The following SLC25A25 variants were observed in gnomAD, a reference collection of about 807,000 sequenced individuals.
SLC25A25 encodes mitochondrial adenyl nucleotide antiporter SLC25A25.
Under a neutral mutation model 57.7 loss-of-function variants are expected in SLC25A25, and 32 were observed. The observed-to-expected ratio is 0.55, with a 90% CI of 0.42 to 0.74. The LOEUF is 0.74. Among genes scored for constraint, SLC25A25 ranks in the 30% least tolerant of loss-of-function variants. SLC25A25 has a pLI of 0.00. For synonymous variants in SLC25A25, 306 were observed against 291.2 expected, an observed-to-expected ratio of 1.05 and a Z score of -0.52; for missense variants, 556 against 701.3, an observed-to-expected ratio of 0.79 and a Z score of 2.34.
intron 1 of SLC25A25, chr9:128,098,933 C>T (rs1192145847): frequency 1.3e-5 from 13 of 985,282 alleles, no homozygotes; most frequent in Non-Finnish European, 1.6e-5. Flanking sequence ...GGCTGGAATT[C>T]CAGCGAAGGC....
intron 1 of SLC25A25, among the ~76,000 whole-genome samples, chr9:128,079,729 A>G (rs2130789515): frequency 6.6e-6 from 1 of 151,160 alleles, no homozygotes; most frequent in South Asian, 2.1e-4. Flanking sequence ...GCGGTGGCTC[A>G]CGCCTGTAAT....
intron 1 of SLC25A25, among the ~76,000 whole-genome samples, chr9:128,085,494 A>G (rs1464966526): frequency 6.6e-6 from 1 of 152,186 alleles, no homozygotes; most frequent in Non-Finnish European, 1.5e-5. Context: ...ATTTAAACAC[A>G]TATAGGCAAG....
rs528163027 is a variant in SLC25A25 at position 128,080,574 on chromosome 9, C to T, written c.261+11994C>T. ...AGCTGGGATTACAGGCATGCGCCAC[C>T]GTGCCCGGCTAATTTTTTTTTTGTA... On this transcript the variant is annotated intron_variant, in intron 1 of 10. Coordinates refer to ENST00000373069, the MANE Select transcript of SLC25A25 (RefSeq NM_001330988.2). 1.9e-4 allele frequency among the ~76,000 whole-genome samples: 29 copies of T among 151,614 alleles called. No individual in the cohort carries two copies. The East Asian group carries it at 2.1e-3, about 11-fold the overall frequency.
chr9:128,092,301 T>A (rs192262052), intron 1 of SLC25A25, among the ~76,000 whole-genome samples: 4 of 152,210 alleles, frequency 2.6e-5, no homozygotes. Context: ...AGCACCCCAG[T>A]GTGGCTGTTG....
Position 128,102,126 on chromosome 9 carries a change from A to G in SLC25A25, c.512+11A>G, listed in dbSNP as rs1444558146. 2.6e-6 allele frequency: 4 copies of G among 1,550,414 alleles called. No homozygotes were observed. Among genetic ancestry groups the G allele is most frequent in the Middle Eastern group, 1.7e-4 (1 of 6,014 alleles). ...GGGCCCTGTCACCTAGTAAGTATCCATGTCGCTCATGACTGCCTCCCTTGA... is the reference window on the plus strand; with the variant it reads ...GGGCCCTGTCACCTAGTAAGTATCCGTGTCGCTCATGACTGCCTCCCTTGA... On this transcript the variant is annotated intron_variant, in intron 4 of 10. Coordinates refer to ENST00000373069, the MANE Select transcript of SLC25A25 (RefSeq NM_001330988.2). The surrounding 1 kb of genome is among the most constrained non-coding windows in gnomAD (Gnocchi z 4.1).
At position 128,102,529 on chromosome 9, in the gene SLC25A25, G is replaced by T; in HGVS notation, c.624+48G>T. 6.7e-7 allele frequency: 1 copy of T among 1,500,408 alleles called. No homozygotes were observed. 92.9% of individuals were successfully genotyped at this position (1,500,408 alleles called of 1,614,324 possible). On this transcript the variant is annotated intron_variant, in intron 5 of 10. Transcript: ENST00000373069. The surrounding 1 kb of genome is among the most constrained non-coding windows in gnomAD (Gnocchi z 4.1). ...CCTCATCTGCTCCCAGGGACCCTTA[G>T]CCCAGAGTCACCCAGTCGTCCCCAT... is the stretch of plus-strand genomic sequence containing the variant.
chr9:128,079,768 G>A (rs555745747), intron 1 of SLC25A25, among the ~76,000 whole-genome samples: 13 of 151,762 alleles, frequency 8.6e-5, no homozygotes, highest in East Asian at 3.9e-4. Flanking sequence ...CGAGGCGGGC[G>A]GATCACGAGG....
In SLC25A25 at chr9:128,095,685, C is replaced by T. The variant is rs1420695148; in HGVS notation, c.262-5411C>T. 2.0e-5 allele frequency among the ~76,000 whole-genome samples: 3 copies of T among 152,176 alleles called. No homozygotes were observed. Among genetic ancestry groups the T allele is most frequent in the Non-Finnish European group, 4.4e-5 (3 of 68,024 alleles). On this transcript the variant is annotated intron_variant, in intron 1 of 10. Coordinates refer to ENST00000373069, the MANE Select transcript of SLC25A25 (RefSeq NM_001330988.2). The surrounding 1 kb of genome is among the most constrained non-coding windows in gnomAD (Gnocchi z 4.4). Reference sequence around the variant, plus strand: ...ATTAGCTGGGTGTGCTCGTGGGCACCTGTAGTCCCAGCTACTCGGGAGGCT... The same window carrying T: ...ATTAGCTGGGTGTGCTCGTGGGCACTTGTAGTCCCAGCTACTCGGGAGGCT...
chr9:128,076,678 C>G (rs1195628036), intron 1 of SLC25A25, among the ~76,000 whole-genome samples: 1 of 151,800 alleles, frequency 6.6e-6, no homozygotes, highest in Non-Finnish European at 1.5e-5. Context: ...CCATGTTAGC[C>G]AGGATGGTCT....
At chr9:128,106,294 C>T (rs1319072527) in intron 8 of SLC25A25, 37 bp downstream of exon 8, 3 of 1,614,082 alleles carry the variant, frequency 1.9e-6, no homozygotes, top group South Asian at 2.2e-5. Flanking sequence ...GGGCAGTGGG[C>T]ACAGGACTGG....
intron 1 of SLC25A25, among the ~76,000 whole-genome samples, chr9:128,075,403 C>G (rs889968444): frequency 6.6e-6 from 1 of 152,030 alleles, no homozygotes; most frequent in African/African-American, 2.4e-5. Context: ...TTATTACTGG[C>G]CAGATGCAGT....
chr9:128,070,950 C>CAAA (rs531221205), intron 1 of SLC25A25, among the ~76,000 whole-genome samples: 4 of 57,414 alleles, frequency 7.0e-5, no homozygotes, highest in African/African-American at 1.2e-4. Context: ...AACTCCATCT[C>CAAA]AAAAAAAAAA....
In SLC25A25 at chr9:128,107,332, T is replaced by G. The variant is rs1834091823; in HGVS notation, c.1436T>G (p.Phe479Cys). The change falls in exon 11 of 11, where the codon TTC becomes TGC. Residue 479 changes from phenylalanine (F) to cysteine (C), a missense_variant. Transcript: ENST00000373069. Reference sequence around the variant, plus strand: ...CATATCCTGCGGACCGAGGGGGCCTTCGGGCTGTACAGGGGGCTGGCCCCC... The same window carrying G: ...CATATCCTGCGGACCGAGGGGGCCTGCGGGCTGTACAGGGGGCTGGCCCCC... ...FKHILRTEGA[F>C]GLYRGLAPNF... 4 of 1,546,292 alleles carry G rather than the reference T, an allele frequency of 2.6e-6. No homozygotes were observed. In the Admixed American group the frequency reaches 5.6e-5, roughly 22 times the overall value.
chr9:128,101,106 A>C lies in SLC25A25; in HGVS notation c.272A>C (p.Gln91Pro). ...RTEGELQKIV[Q>P]AGDKDLDGQL... The stretch of plus-strand genomic sequence containing the variant: ...ACCTTTCTTTTCTAGAAAATTGTAC[A>C]AGCTGGAGATAAGGACCTTGATGGG... Residue 91 changes from glutamine (Q) to proline (P), a missense_variant, in exon 2 of 11, where the codon CAA (glutamine) becomes CCA (proline). By Grantham distance (76) the Gln-to-Pro change is moderately conservative. Around this residue, in one of 3 missense-constraint regions of SLC25A25, gnomAD observed 248 missense variants for 273.5 expected, o/e 0.91. Transcript: ENST00000373069. The surrounding 1 kb of genome is among the most constrained non-coding windows in gnomAD (Gnocchi z 4.9). 1 of 1,614,236 alleles carries C rather than the reference A, an allele frequency of 6.2e-7. No homozygotes were observed. Among genetic ancestry groups the C allele is most frequent in the Non-Finnish European group, 8.5e-7 (1 of 1,180,034 alleles).
intron 1 of SLC25A25, chr9:128,091,561 T>TAA (rs59794334): frequency 0.01 from 9,780 of 943,124 alleles, 125 homozygotes; most frequent in African/African-American, 0.072. Flanking sequence ...TTTTTTTTTT[T>TAA]AAAAAAAAGC....
intron 1 of SLC25A25, chr9:128,091,690 G>C (rs914568810): frequency 1.5e-6 from 2 of 1,318,810 alleles, no homozygotes; most frequent in Non-Finnish European, 1.9e-6. Flanking sequence ...TTCTCAGGCC[G>C]GGCACGACAG....
intron 1 of SLC25A25, among the ~76,000 whole-genome samples, chr9:128,086,584 C>T (rs574845068): frequency 7.9e-4 from 120 of 152,204 alleles, no homozygotes; most frequent in Non-Finnish European, 1.1e-3. Flanking sequence ...CCACCCGCCT[C>T]GGCCTCCCAA....
At chr9:128,098,966 G>A (rs1833674973) in intron 1 of SLC25A25, 6 of 985,430 alleles carry the variant, frequency 6.1e-6, no homozygotes, top group Non-Finnish European at 7.2e-6. Flanking sequence ...TGGACTTTCA[G>A]AAAGGAAATT....
chr9:128,069,372 C>T (rs944369590), intron 1 of SLC25A25, among the ~76,000 whole-genome samples: 1 of 152,154 alleles, frequency 6.6e-6, no homozygotes, highest in African/African-American at 2.4e-5. Flanking sequence ...TGTCTCTTCC[C>T]CCTTCAGTCT....
Sources: gnomAD v4.1 joint callset for allele counts (sites outside exome capture counted in the v4.1 genomes callset) on GRCh38, gnomAD v4.1.1 for gene constraint, gnomAD v4.1.1 regional missense constraint, Gnocchi (gnomAD v3.1) non-coding constraint, MANE v1.5 for transcripts, NCBI Gene and HGNC (gene_info 2026-07-23, HGNC 2026-07-21) for gene names.